Variants in IST1 observed in about 807,000 individuals in gnomAD.
The protein encoded by IST1 is IST1 homolog.
Under a neutral mutation model 37.0 loss-of-function variants are expected in IST1, and 23 were observed. The observed-to-expected ratio is 0.62, with a 90% CI of 0.45 to 0.88. The LOEUF is 0.88. Among genes scored for constraint, IST1 ranks in the 40% least tolerant of loss-of-function variants. The pLI, the probability that IST1 is intolerant of heterozygous loss-of-function variation, is 0.00. For missense variants in IST1, 488 were observed against 445.4 expected (o/e 1.10, Z -0.86); for synonymous variants, 180 against 161.7 (o/e 1.11, Z -0.86).
chr16:71,894,959 C>T (rs1011599437), upstream of IST1: 155 of 853,310 alleles, frequency 1.8e-4, no homozygotes, highest in Non-Finnish European at 2.7e-4. Context: ...CCACACAGAC[C>T]GGAGCGATGC....
chr16:71,904,320 G>A (rs1009441089), intron 1 of IST1, among the ~76,000 whole-genome samples: 19 of 152,026 alleles, frequency 1.2e-4, no homozygotes, highest in East Asian at 9.7e-4. Flanking sequence ...ATGGGGTTTC[G>A]TCATGTTGAC....
intron 2 of IST1, among the ~76,000 whole-genome samples, chr16:71,915,972 A>C (rs1056798460): frequency 1.3e-5 from 2 of 152,060 alleles, no homozygotes; most frequent in African/African-American, 2.4e-5. Context: ...CTGGGATTAC[A>C]GGTGTGTGCC....
rs551964922 is a variant in IST1, at chr16:71,901,253, G to A, written c.-16+5664G>A. On this transcript the variant is annotated intron_variant, in intron 1 of 9. Coordinates refer to ENST00000378799, the MANE Select transcript of IST1 (RefSeq NM_001270975.2). ...TTTTGAGACGGAATCTTGCTCTGTC[G>A]CCCAGGCTGGAGTGCAGTAGCACGA... Among the ~76,000 whole-genome samples, 8 of 151,492 alleles carry A rather than the reference G, an allele frequency of 5.3e-5. No homozygotes were observed. In the East Asian group the frequency reaches 7.7e-4, roughly 15 times the overall value.
At chr16:71,915,587 T>C in intron 1 of IST1, 39 bp from the exon 2 acceptor site, 2 of 1,441,914 alleles carry the variant, frequency 1.4e-6, no homozygotes, top group South Asian at 2.4e-5. Context: ...TGAACTAATG[T>C]TGACTTGAAA....
In IST1 at chr16:71,924,772, G is replaced by A; in HGVS notation, c.856G>A (p.Asp286Asn). The change falls in exon 9 of 10, where the codon GAT becomes AAT. Residue 286 changes from aspartate to asparagine, a missense_variant. This residue lies in a region of IST1 where 455 missense variants were observed against 386.2 expected (regional missense o/e 1.18). Coordinates refer to ENST00000378799, the MANE Select transcript of IST1 (RefSeq NM_001270975.2). ...PATPPSYESV[D>N]DINADKNISS... Reference sequence around the variant, plus strand: ...GGTAACAATCTTTGTGTTTCAGGTAGATGACATTAATGCTGATAAGAATAT... The same window carrying A: ...GGTAACAATCTTTGTGTTTCAGGTAAATGACATTAATGCTGATAAGAATAT... 1 of 1,607,818 alleles carries A rather than the reference G, an allele frequency of 6.2e-7. No homozygotes were observed. Among genetic ancestry groups the A allele is most frequent in the Non-Finnish European group, 8.5e-7 (1 of 1,174,218 alleles).
At chr16:71,906,515 A>G (rs561637716) in intron 1 of IST1, among the ~76,000 whole-genome samples, 4 of 150,924 alleles carry the variant, frequency 2.7e-5, no homozygotes, top group African/African-American at 7.3e-5. Context: ...GGGTTTCACC[A>G]TGTTGGCCAG....
rs370771637 is a variant in IST1, at chr16:71,923,371, G to C, written c.843G>C (p.Ser281=). The C allele has an allele frequency of 4.4e-6, 7 of 1,599,484 alleles. No individual in the cohort carries two copies. The highest frequency in any genetic ancestry group is 1.7e-4 in the Middle Eastern group (1 of 6,044). ...HPPQIPATPP[S]YESVDDINAD... is the part of the protein sequence containing the mutation. Reference sequence around the variant, plus strand: ...CTCAGATACCAGCAACTCCCCCATCGTATGAATCTGTAAGTGCCTGAGCCT... The same window carrying C: ...CTCAGATACCAGCAACTCCCCCATCCTATGAATCTGTAAGTGCCTGAGCCT... The change falls in exon 8 of 10, where the codon TCG becomes TCC. Residue 281 remains serine (S), a synonymous_variant. Transcript: ENST00000378799.
In IST1 at chr16:71,910,534, A is replaced by T. The variant is rs369698378; in HGVS notation, c.-15-5092A>T. ...GGCAGGAGAATGGCGTGAACCTGGG[A>T]GGCGGAGCTTGCAGTGGGCCGAGAT... On this transcript the variant is annotated intron_variant, in intron 1 of 9. Transcript: ENST00000378799. Among the ~76,000 whole-genome samples the T allele has an allele frequency of 1.9e-4, 29 of 150,742 alleles. No individual in the cohort carries two copies. The South Asian group carries it at 6.1e-3, about 32-fold the overall frequency.
chr16:71,924,908 T>C (rs1476243675), intron 9 of IST1, 91 bp downstream of exon 9: 38 of 901,176 alleles, frequency 4.2e-5, no homozygotes, highest in South Asian at 2.5e-4. Flanking sequence ...ACTGTTTCCA[T>C]GTCCATGGAC....
At chr16:71,895,870 C>T (rs904181477) in intron 1 of IST1, among the ~76,000 whole-genome samples, 23 of 152,220 alleles carry the variant, frequency 1.5e-4, no homozygotes, top group African/African-American at 5.3e-4. Flanking sequence ...CCTTAACTTT[C>T]CCCTAGTCTT....
intron 1 of IST1, among the ~76,000 whole-genome samples, chr16:71,909,774 G>C (rs2037311054): frequency 6.6e-6 from 1 of 152,182 alleles, no homozygotes; most frequent in Non-Finnish European, 1.5e-5. Flanking sequence ...CCTTCTCTTA[G>C]AAATGTCACT....
intron 4 of IST1, among the ~76,000 whole-genome samples, chr16:71,917,823 G>A (rs960337098): frequency 6.6e-6 from 1 of 151,476 alleles, no homozygotes; most frequent in Admixed American, 6.6e-5. Context: ...TTGTTTCATG[G>A]CTACAATTTT....
In IST1 at chr16:71,928,725, C is replaced by T. The variant is rs1176169497; in HGVS notation, c.*912C>T. ...ATTTGAAAACTTTGATTCATGGAAC[C>T]TTTAAAACTAATCTCAGAAAAATTT... On this transcript the variant is annotated 3_prime_UTR_variant, in exon 10 of 10. Coordinates refer to ENST00000378799, the MANE Select transcript of IST1 (RefSeq NM_001270975.2). The T allele has an allele frequency of 6.6e-6, 1 of 152,396 alleles. No homozygotes were observed. Among genetic ancestry groups the T allele is most frequent in the Non-Finnish European group, 1.5e-5 (1 of 68,042 alleles). The allele number at this position is 152,396 out of a possible 1,614,324, so 9.4% of individuals were successfully genotyped here. A position where few individuals can be genotyped will look rare whatever the true frequency, so the allele number is the denominator to read the frequency against.
chr16:71,925,175 G>C (rs71384781), intron 9 of IST1, among the ~76,000 whole-genome samples: 29,901 of 151,252 alleles, frequency 0.2, 3,694 homozygotes, highest in Non-Finnish European at 0.28. Flanking sequence ...ACCATGCCTG[G>C]CTAATTTTTT....
intron 8 of IST1, chr16:71,923,952 G>C: frequency 1.4e-5 from 5 of 345,380 alleles, no homozygotes; most frequent in South Asian, 9.0e-5. Flanking sequence ...GTTACTGTAG[G>C]CCTTTTGAGA....
At chr16:71,914,435 C>T (rs2037426421) in intron 1 of IST1, among the ~76,000 whole-genome samples, 1 of 152,134 alleles carries the variant, frequency 6.6e-6, no homozygotes, top group South Asian at 2.1e-4. Context: ...GCTAGGATTA[C>T]AGATGTGAGC....
Position 71,916,456 on chromosome 16 carries a change from T to A in IST1, c.89-6T>A. The A allele has an allele frequency of 6.2e-7, 1 of 1,611,678 alleles. No individual in the cohort carries two copies. Among genetic ancestry groups the A allele is most frequent in the East Asian group, 2.2e-5 (1 of 44,878 alleles). On this transcript the variant is annotated splice_polypyrimidine_tract_variant and splice_region_variant and intron_variant, in intron 2 of 9. Coordinates refer to ENST00000378799, the MANE Select transcript of IST1 (RefSeq NM_001270975.2). ...CTGTGAGATCGGAGTGGGATTTGTG[T>A]CTTAGCGGAACTGGCCCAGAAAGCA...
At position 71,921,443 on chromosome 16, in the gene IST1, C is replaced by G. The variant is rs774127870; in HGVS notation, c.542C>G (p.Ser181Cys). 4.4e-6 allele frequency: 7 copies of G among 1,597,382 alleles called. No homozygotes were observed. Among genetic ancestry groups the G allele is most frequent in the African/African-American group, 1.3e-5 (1 of 74,688 alleles). The change falls in exon 6 of 10, where the codon TCT (serine) becomes TGT (cysteine). Residue 181 changes from serine to cysteine, a missense_variant. Ser to Cys is a moderately radical substitution (Grantham distance 112). Transcript: ENST00000378799. ...KNYNVPYEPD[S>C]VVMAEAPPGV... ...TACAACGTACCCTATGAACCTGACTCTGTGGTCATGGTAAGTTTATCCCAG... is the reference window on the plus strand; with the variant it reads ...TACAACGTACCCTATGAACCTGACTGTGTGGTCATGGTAAGTTTATCCCAG...
intron 4 of IST1, among the ~76,000 whole-genome samples, 189 bp downstream of exon 4, chr16:71,917,323 T>TTA (rs2037486885): frequency 1.3e-5 from 2 of 152,238 alleles, no homozygotes; most frequent in African/African-American, 4.8e-5. Context: ...TTTTGCAAAC[T>TTA]TGAGCAGTTT....
Sources: gnomAD v4.1 joint callset for allele counts (sites outside exome capture counted in the v4.1 genomes callset) on GRCh38, gnomAD v4.1.1 for gene constraint, gnomAD v4.1.1 regional missense constraint, MANE v1.5 for transcripts, NCBI Gene and HGNC (gene_info 2026-07-23, HGNC 2026-07-21) for gene names.